The following ZNF609 variants were observed in gnomAD, a reference collection of about 807,000 sequenced individuals.
ZNF609 encodes zinc finger protein 609.
In ZNF609, 11 loss-of-function variants were observed where a neutral mutation model predicts 109.5. The observed-to-expected ratio is 0.10, with a 90% CI of 0.06 to 0.17. The LOEUF is 0.17. ZNF609 is among the 10% of genes least tolerant of loss of function. ZNF609 has a pLI of 1.00. For synonymous variants in ZNF609, 646 were observed against 662.0 expected (o/e 0.98, Z 0.37); for missense variants, 1,559 against 1,772.4 (o/e 0.88, Z 2.16).
intron 2 of ZNF609, among the ~76,000 whole-genome samples, chr15:64,523,647 C>T (rs1893925905): frequency 6.6e-6 from 1 of 151,816 alleles, no homozygotes; most frequent in African/African-American, 2.4e-5. Context: ...CTTGTAATCC[C>T]AGCTACTTGG....
At chr15:64,608,830 C>G (rs1595737532) in intron 2 of ZNF609, among the ~76,000 whole-genome samples, 1 of 152,034 alleles carries the variant, frequency 6.6e-6, no homozygotes, top group Non-Finnish European at 1.5e-5. Flanking sequence ...CCTCAACCTC[C>G]TGGGCCCAAG....
intron 2 of ZNF609, among the ~76,000 whole-genome samples, chr15:64,540,577 G>C (rs1249890313): frequency 6.6e-6 from 1 of 151,336 alleles, no homozygotes; most frequent in Admixed American, 6.6e-5. Context: ...GCTAATTTTT[G>C]TATTTTTTAG....
chr15:64,582,643 A>C (rs1895124053), intron 2 of ZNF609, among the ~76,000 whole-genome samples: 1 of 151,530 alleles, frequency 6.6e-6, no homozygotes, highest in African/African-American at 2.4e-5. Flanking sequence ...GCCTGTTCTC[A>C]CATTAAGTTC....
At chr15:64,632,333 C>T (rs947551032) in intron 3 of ZNF609, among the ~76,000 whole-genome samples, 6 of 152,070 alleles carry the variant, frequency 3.9e-5, no homozygotes, top group African/African-American at 1.4e-4. Context: ...GTATTACAGG[C>T]ATGAGCAACC....
At chr15:64,541,040 A>G (rs529772072) in intron 2 of ZNF609, among the ~76,000 whole-genome samples, 1 of 150,122 alleles carries the variant, frequency 6.7e-6, no homozygotes, top group African/African-American at 2.5e-5. Flanking sequence ...AAAAAAAAAA[A>G]AAAAAAACTT....
At chr15:64,616,959 C>CCACCAT (rs969438502) in intron 2 of ZNF609, among the ~76,000 whole-genome samples, 1 of 151,414 alleles carries the variant, frequency 6.6e-6, no homozygotes, top group African/African-American at 2.4e-5. Flanking sequence ...CAGGTGCACA[C>CCACCAT]CACCATGCCC....
intron 2 of ZNF609, among the ~76,000 whole-genome samples, chr15:64,616,589 G>A (rs1224419333): frequency 7.1e-6 from 1 of 141,512 alleles, no homozygotes; most frequent in African/African-American, 2.7e-5. Flanking sequence ...GCGTGATCTC[G>A]GCTCACTGCA....
At chr15:64,656,019 T>C (rs996827872) in intron 3 of ZNF609, among the ~76,000 whole-genome samples, 6 of 152,140 alleles carry the variant, frequency 3.9e-5, no homozygotes, top group African/African-American at 1.4e-4. Context: ...TGGCGAAGGA[T>C]GAATTAAGCA....
In ZNF609 at chr15:64,674,579, T is replaced by C. The variant is rs1403580715; in HGVS notation, c.1725T>C (p.His575=). The change falls in exon 5 of 10, where the codon CAT becomes CAC. Residue 575 remains histidine (H), a synonymous_variant. Transcript: ENST00000326648. ...ATPKVRLVEP[H]SPSPSSKFST... ...CCAAAGTTCGACTTGTAGAGCCCCA[T>C]AGCCCTTCTCCTTCAAGCAAATTCA... is the stretch of plus-strand genomic sequence containing the variant. 1.2e-6 allele frequency: 2 copies of C among 1,613,930 alleles called. No individual in the cohort carries two copies. Among genetic ancestry groups the C allele is most frequent in the Non-Finnish European group, 1.7e-6 (2 of 1,180,012 alleles).
chr15:64,480,392 G>A (rs985354600), intron 1 of ZNF609, among the ~76,000 whole-genome samples: 8 of 152,046 alleles, frequency 5.3e-5, no homozygotes, highest in African/African-American at 1.2e-4. Context: ...TTAGCTGGGC[G>A]TAGTGGCGGG....
At chr15:64,644,954 CTTTCT>C (rs544935462) in intron 3 of ZNF609, among the ~76,000 whole-genome samples, 124 of 149,090 alleles carry the variant, frequency 8.3e-4, no homozygotes, top group Non-Finnish European at 1.4e-3. Context: ...TTTTCTCTCT[CTTTCT>C]TTTCTTTTCT....
intron 3 of ZNF609, among the ~76,000 whole-genome samples, chr15:64,658,004 T>C (rs2141002638): frequency 6.6e-6 from 1 of 152,280 alleles, no homozygotes; most frequent in South Asian, 2.1e-4. Flanking sequence ...AGCAAATCCC[T>C]GAAAGGCAAA....
chr15:64,517,080 T>A (rs1461417579), intron 2 of ZNF609, among the ~76,000 whole-genome samples: 1 of 152,186 alleles, frequency 6.6e-6, no homozygotes, highest in Non-Finnish European at 1.5e-5. Context: ...TAGCTGATTT[T>A]AAAATTACCT....
chr15:64,544,848 C>T (rs1894329260), intron 2 of ZNF609, among the ~76,000 whole-genome samples: 1 of 152,200 alleles, frequency 6.6e-6, no homozygotes, highest in Non-Finnish European at 1.5e-5. Flanking sequence ...TTTTCAGTCT[C>T]TGGATTCCAA....
chr15:64,552,436 A>G (rs1894498994), intron 2 of ZNF609, among the ~76,000 whole-genome samples: 1 of 152,094 alleles, frequency 6.6e-6, no homozygotes, highest in South Asian at 2.1e-4. Flanking sequence ...CAGTGACGCG[A>G]TCTTGGCTCA....
rs2899699 is a variant in ZNF609 at position 64,620,720 on chromosome 15, G to T, written c.748-2107G>T. Among the ~76,000 whole-genome samples, 1,421 of 152,280 alleles carry T rather than the reference G, an allele frequency of 9.3e-3. 11 individuals carry two copies. Among genetic ancestry groups the T allele is most frequent in the Middle Eastern group, 0.02 (6 of 294 alleles). On this transcript the variant is annotated intron_variant, in intron 2 of 9. Coordinates refer to ENST00000326648, the MANE Select transcript of ZNF609 (RefSeq NM_015042.2). ...CAGGGACCAGAATTAATCAGAATCA[G>T]TGTATGAACATTCTGTGGACTCACA...
intron 2 of ZNF609, chr15:64,528,807 T>TG: frequency 1.2e-6 from 1 of 822,660 alleles, no homozygotes; most frequent in East Asian, 2.5e-5. Flanking sequence ...GAAGAGTGGG[T>TG]GTTGCTGTTG....
chr15:64,567,344 T>C (rs919087888), intron 2 of ZNF609, among the ~76,000 whole-genome samples: 2 of 151,788 alleles, frequency 1.3e-5, no homozygotes, highest in East Asian at 3.9e-4. Context: ...TAGCTGGACG[T>C]GGTGGTGCGC....
intron 3 of ZNF609, among the ~76,000 whole-genome samples, chr15:64,653,654 A>AG (rs1465352183): frequency 6.8e-6 from 1 of 147,592 alleles, no homozygotes; most frequent in Non-Finnish European, 1.5e-5. Context: ...TCCAAAAAAA[A>AG]TAAATAAATA....
Sources: gnomAD v4.1 joint callset for allele counts (sites outside exome capture counted in the v4.1 genomes callset) on GRCh38, gnomAD v4.1.1 for gene constraint, MANE v1.5 for transcripts, NCBI Gene and HGNC (gene_info 2026-07-23, HGNC 2026-07-21) for gene names.